Variants in CYTIP observed in about 807,000 individuals in gnomAD.
CYTIP encodes the protein cytohesin-interacting protein.
CYTIP carries 26 observed loss-of-function variants against 43.8 expected under a neutral mutation model. The ratio of observed to expected loss-of-function variants is 0.59; its 90% CI spans 0.44 to 0.82. CYTIP has a LOEUF of 0.82. CYTIP is among the 40% of genes least tolerant of loss of function. CYTIP has a pLI of 0.00. For missense variants in CYTIP, 426 were observed against 443.1 expected, an observed-to-expected ratio of 0.96 and a Z score of 0.35; for synonymous variants, 162 against 162.9, an observed-to-expected ratio of 0.99 and a Z score of 0.04.
chr2:157,416,827 A>G (rs1035890148), intron 7 of CYTIP, among the ~76,000 whole-genome samples: 20 of 152,188 alleles, frequency 1.3e-4, no homozygotes, highest in African/African-American at 4.8e-4. Flanking sequence ...TTATTTGAAG[A>G]AATTGAATTT....
At chr2:157,434,323 G>T in intron 3 of CYTIP, 47 bp downstream of exon 3, 1 of 1,426,986 alleles carries the variant, frequency 7.0e-7, no homozygotes, top group Non-Finnish European at 9.9e-7. Context: ...GACACTACCG[G>T]TGCCACTTTC....
chr2:157,441,558 A>T (rs1048689509), intron 1 of CYTIP, among the ~76,000 whole-genome samples: 2 of 151,398 alleles, frequency 1.3e-5, no homozygotes, highest in African/African-American at 2.4e-5. Context: ...TAGTATGGGG[A>T]TGTGTGTGTG....
chr2:157,432,387 G>C (rs752196644), intron 3 of CYTIP, among the ~76,000 whole-genome samples: 2 of 152,150 alleles, frequency 1.3e-5, no homozygotes, highest in Admixed American at 1.3e-4. Context: ...CTCCCATTAA[G>C]GGATCAGTGA....
intron 6 of CYTIP, among the ~76,000 whole-genome samples, chr2:157,425,570 A>G (rs1351771486): frequency 1.3e-5 from 2 of 152,270 alleles, no homozygotes; most frequent in Admixed American, 6.5e-5. Context: ...TACATTGGTA[A>G]GTATGTACAT....
intron 7 of CYTIP, among the ~76,000 whole-genome samples, chr2:157,417,948 G>A (rs1164112073): frequency 1.3e-5 from 2 of 152,100 alleles, no homozygotes; most frequent in Non-Finnish European, 2.9e-5. Flanking sequence ...AACAAATAGC[G>A]AATTAACACA....
At position 157,416,980 on chromosome 2, in the gene CYTIP, T is replaced by TGA. The variant is rs377170102; in HGVS notation, c.614-839_614-838dup. On this transcript the variant is annotated intron_variant, in intron 7 of 7. Transcript: ENST00000264192. ...TTGGTATCTTGTGTGTGTGTGTGTG[T>TGA]GAGAGAGAGAGAGAGAGAGAGAGAG... Among the ~76,000 whole-genome samples, 1,252 of 147,234 alleles carry TGA rather than the reference T, an allele frequency of 8.5e-3. 7 individuals are homozygous for TGA. Among genetic ancestry groups the TGA allele is most frequent in the Middle Eastern group, 0.018 (5 of 278 alleles).
intron 1 of CYTIP, among the ~76,000 whole-genome samples, chr2:157,443,390 A>G (rs183074317): frequency 3.7e-4 from 57 of 152,318 alleles, no homozygotes; most frequent in Admixed American, 1.2e-3. Flanking sequence ...CCAGCAACCC[A>G]GAGCTGAAGA....
intron 6 of CYTIP, among the ~76,000 whole-genome samples, chr2:157,419,280 A>AC (rs1685484239): frequency 6.6e-6 from 1 of 152,200 alleles, no homozygotes; most frequent in Non-Finnish European, 1.5e-5. Context: ...GGCGTGAGGC[A>AC]CCGTGCCTGG....
intron 7 of CYTIP, 87 bp downstream of exon 7, chr2:157,418,436 A>G (rs1221167932): frequency 7.4e-7 from 1 of 1,345,184 alleles, no homozygotes; most frequent in African/African-American, 1.5e-5. Context: ...TTTTTCTTAT[A>G]ATGATGATAA....
At chr2:157,425,881 A>G (rs1285207934) in intron 6 of CYTIP, among the ~76,000 whole-genome samples, 1 of 152,124 alleles carries the variant, frequency 6.6e-6, no homozygotes, top group African/African-American at 2.4e-5. Context: ...AAAGTCAACC[A>G]TAAGATTACC....
intron 3 of CYTIP, among the ~76,000 whole-genome samples, chr2:157,431,898 C>T (rs1685719008): frequency 6.6e-6 from 1 of 152,152 alleles, no homozygotes; most frequent in Admixed American, 6.5e-5. Flanking sequence ...CACATGCAAG[C>T]AACTTCTAGA....
chr2:157,433,287 G>A (rs1267767709), intron 3 of CYTIP, among the ~76,000 whole-genome samples: 1 of 152,186 alleles, frequency 6.6e-6, no homozygotes, highest in African/African-American at 2.4e-5. Flanking sequence ...AGTTACTGTG[G>A]TGAATTACAG....
chr2:157,429,356 A>T (rs186312178), intron 5 of CYTIP, among the ~76,000 whole-genome samples: 1 of 152,276 alleles, frequency 6.6e-6, no homozygotes, highest in Admixed American at 6.5e-5. Context: ...CTCAACTCAA[A>T]TATCGCCTCC....
intron 4 of CYTIP, 68 bp downstream of exon 4, chr2:157,430,788 ACCTT>A: frequency 2.0e-6 from 3 of 1,468,244 alleles, no homozygotes; most frequent in Non-Finnish European, 2.8e-6. Context: ...ATACATCCTG[ACCTT>A]CACTCTCAAA....
At chr2:157,418,866 T>A (rs76834000) in intron 6 of CYTIP, among the ~76,000 whole-genome samples, 4,392 of 152,258 alleles carry the variant, frequency 0.029, 154 homozygotes, top group Admixed American at 0.091. Flanking sequence ...ATTATTTTAA[T>A]AAGATTATTT....
At position 157,443,877 on chromosome 2, in the gene CYTIP, C is replaced by T. The variant is rs112794298; in HGVS notation, c.144G>A (p.Thr48=). Residue 48 remains threonine, a synonymous_variant, in exon 1 of 8, where the codon ACG becomes ACA. Coordinates refer to ENST00000264192, the MANE Select transcript of CYTIP (RefSeq NM_004288.5). ...TTCGTCCCCGAGGCAGAGTAGCCAC[C>T]GTGTCTGCTAGCATTTGAATCCTTC... ...DNRRIQMLAD[T]VATLPRGRKQ... is the part of the protein sequence containing the mutation. 6.6e-5 allele frequency: 107 copies of T among 1,614,080 alleles called. 1 individual carries two copies. Among genetic ancestry groups the T allele is most frequent in the African/African-American group, 6.3e-4 (47 of 75,034 alleles).
In CYTIP at chr2:157,430,624, C is replaced by T. The variant is rs752276215; in HGVS notation, c.411G>A (p.Val137=). The T allele has an allele frequency of 4.3e-6, 7 of 1,614,034 alleles. No homozygotes were observed. Among genetic ancestry groups the T allele is most frequent in the African/African-American group, 1.3e-5 (1 of 74,926 alleles). ...AGDVLANING[V]STEGFTYKQV... ...GTTTGTAGGTAAAACCTTCTGTGCT[C>T]ACACCATTGATATTTGCAAGGACAT... is the stretch of plus-strand genomic sequence containing the variant. The change falls in exon 5 of 8, where the codon GTG becomes GTA. Residue 137 remains valine (V), a synonymous_variant. Transcript: ENST00000264192.
intron 6 of CYTIP, among the ~76,000 whole-genome samples, chr2:157,425,375 G>A (rs1261836377): frequency 2.6e-5 from 4 of 152,068 alleles, no homozygotes; most frequent in East Asian, 3.8e-4. Flanking sequence ...ATATCAAAAC[G>A]AACAAGTTGG....
At chr2:157,443,401 T>C (rs1034725482) in intron 1 of CYTIP, among the ~76,000 whole-genome samples, 2 of 152,090 alleles carry the variant, frequency 1.3e-5, no homozygotes, top group African/African-American at 4.8e-5. Flanking sequence ...GAGCTGAAGA[T>C]AATTAGTCAA....
Sources: allele counts gnomAD v4.1 joint callset (sites outside exome capture counted in the v4.1 genomes callset), GRCh38; gene constraint gnomAD v4.1.1; transcripts MANE v1.5; gene names NCBI Gene and HGNC (gene_info 2026-07-23, HGNC 2026-07-21).